Variants in OVCH1 observed in about 807,000 individuals in gnomAD.
The protein encoded by OVCH1 is ovochymase 1.
In OVCH1, 139 loss-of-function variants were observed where a neutral mutation model predicts 138.4. That is an observed-to-expected ratio of 1.00 (90% CI 0.87 to 1.16). The LOEUF is 1.16. Among genes scored for constraint, OVCH1 ranks in the 50% most tolerant of loss-of-function variants. OVCH1 has a pLI of 0.00. For missense variants in OVCH1, 1,367 were observed against 1,357.9 expected (o/e 1.01, Z -0.11); for synonymous variants, 453 against 467.8 (o/e 0.97, Z 0.41).
Position 29,417,460 on chromosome 12 carries a change from C to CAAAAAAAAAAAAAAAAAAAAAAAAA in OVCH1, c.*72-4736_*72-4735insTTTTTTTTTTTTTTTTTTTTTTTTT, listed in dbSNP as rs759067203. Among the ~76,000 whole-genome samples, 3 of 60,742 alleles carry CAAAAAAAAAAAAAAAAAAAAAAAAA rather than the reference C, an allele frequency of 4.9e-5. 1 individual carries two copies. The highest frequency in any genetic ancestry group is 2.8e-5 in the Non-Finnish European group (1 of 35,940). 39.8% of individuals were successfully genotyped at this position (60,742 alleles called of 152,430 possible). A position where few individuals can be genotyped will look rare whatever the true frequency, so the allele number is the denominator to read the frequency against. On this transcript the variant is annotated intron_variant and NMD_transcript_variant, in intron 3 of 4. Coordinates refer to the OVCH1 transcript ENST00000539117. ...CCTGGGTGACAGAAACACTCCGTCT[C>CAAAAAAAAAAAAAAAAAAAAAAAAA]AAAAAAAAAAAAAAAAAAAAAAAAG...
At chr12:29,421,707 C>T (rs950796209) in intron 3 of OVCH1, among the ~76,000 whole-genome samples, 1 of 151,892 alleles carries the variant, frequency 6.6e-6, no homozygotes, top group Non-Finnish European at 1.5e-5. Flanking sequence ...GTGTTTATTC[C>T]ATTCTCAAAT....
At chr12:29,442,805 C>T (rs1941522256) in intron 25 of OVCH1, among the ~76,000 whole-genome samples, 1 of 151,500 alleles carries the variant, frequency 6.6e-6, no homozygotes, top group Non-Finnish European at 1.5e-5. Flanking sequence ...TGTTAAAATG[C>T]AAATATTTAG....
chr12:29,435,727 A>AC (rs1386696369), intron 26 of OVCH1, among the ~76,000 whole-genome samples: 1 of 152,024 alleles, frequency 6.6e-6, no homozygotes, highest in Non-Finnish European at 1.5e-5. Context: ...TTTCTAAAGC[A>AC]CCCCTCAGAA....
intron 3 of OVCH1, among the ~76,000 whole-genome samples, chr12:29,415,701 A>T (rs946552995): frequency 6.6e-6 from 1 of 152,180 alleles, no homozygotes; most frequent in African/African-American, 2.4e-5. Context: ...GGATTGGAAG[A>T]CTCATATAGT....
the OVCH1 span, among the ~76,000 whole-genome samples, chr12:29,406,553 G>A: frequency 1.3e-5 from 2 of 151,852 alleles, no homozygotes; most frequent in African/African-American, 2.4e-5. Flanking sequence ...AGAATATACG[G>A]TGTTTGGTTT....
chr12:29,461,966 A>G, exon 19 of OVCH1: 1 of 1,613,818 alleles, frequency 6.2e-7, no homozygotes, highest in South Asian at 1.1e-5. Flanking sequence ...TCTTTCTAAC[A>G]CATGCACTTG....
At chr12:29,467,838 T>C (rs976340985) in intron 16 of OVCH1, among the ~76,000 whole-genome samples, 1 of 152,118 alleles carries the variant, frequency 6.6e-6, no homozygotes, top group Admixed American at 6.6e-5. Flanking sequence ...TCCAGGTGAT[T>C]CTGGAGTATG....
At chr12:29,424,246 G>A (rs1486559518), downstream of OVCH1, among the ~76,000 whole-genome samples, 1 of 152,232 alleles carries the variant, frequency 6.6e-6, no homozygotes, top group African/African-American at 2.4e-5. Flanking sequence ...CAGCAGGAGT[G>A]TGTCCTTAAG....
At chr12:29,446,943 T>A (rs903004486) in intron 22 of OVCH1, among the ~76,000 whole-genome samples, 1 of 150,600 alleles carries the variant, frequency 6.6e-6, no homozygotes, top group Admixed American at 6.6e-5. Context: ...AATTAAAAAA[T>A]TTTTACATTA....
intron 19 of OVCH1, among the ~76,000 whole-genome samples, chr12:29,460,943 T>C (rs1259411481): frequency 1.3e-5 from 2 of 152,236 alleles, no homozygotes; most frequent in Non-Finnish European, 2.9e-5. Context: ...AATAAACTTA[T>C]ATTCAGTGTT....
At chr12:29,436,636 G>A (rs1394049193) in intron 26 of OVCH1, among the ~76,000 whole-genome samples, 2 of 152,172 alleles carry the variant, frequency 1.3e-5, no homozygotes, top group African/African-American at 4.8e-5. Flanking sequence ...TCCTTCAGAT[G>A]TGTCCAGAGT....
chr12:29,424,060 TC>T (rs1941144465), downstream of OVCH1, among the ~76,000 whole-genome samples: 1 of 152,078 alleles, frequency 6.6e-6, no homozygotes, highest in Non-Finnish European at 1.5e-5. Flanking sequence ...GCGTGGGAAA[TC>T]AGGGGTCTCA....
intron 22 of OVCH1, among the ~76,000 whole-genome samples, chr12:29,447,888 G>A (rs971568666): frequency 2.6e-5 from 4 of 151,862 alleles, no homozygotes; most frequent in African/African-American, 9.7e-5. Context: ...CTATGTGTTG[G>A]GCACTGTTCT....
chr12:29,451,987 T>A (rs1289882199), intron 21 of OVCH1, among the ~76,000 whole-genome samples: 1 of 152,138 alleles, frequency 6.6e-6, no homozygotes, highest in Non-Finnish European at 1.5e-5. Context: ...ATGAAAAAGA[T>A]AACTTGCTGG....
chr12:29,430,797 A>T, intron 27 of OVCH1: 1 of 443,430 alleles, frequency 2.3e-6, no homozygotes, highest in South Asian at 1.7e-5. Context: ...TCTGCACACC[A>T]GATTAACACC....
At chr12:29,442,296 A>T (rs920209888) in intron 25 of OVCH1, among the ~76,000 whole-genome samples, 3 of 151,570 alleles carry the variant, frequency 2.0e-5, no homozygotes, top group African/African-American at 7.3e-5. Flanking sequence ...GCAGCCATAA[A>T]AAATGATGAG....
chr12:29,442,716 T>C (rs922203765), intron 25 of OVCH1, among the ~76,000 whole-genome samples: 5 of 151,978 alleles, frequency 3.3e-5, no homozygotes, highest in Non-Finnish European at 5.9e-5. Context: ...TTTTCCTCTC[T>C]TTATGTTTTT....
chr12:29,465,474 A>G (rs1472994428), intron 16 of OVCH1, among the ~76,000 whole-genome samples: 1 of 152,132 alleles, frequency 6.6e-6, no homozygotes, highest in Non-Finnish European at 1.5e-5. Flanking sequence ...GAGAGAGCAA[A>G]GGAAGCCACA....
chr12:29,420,849 G>T (rs1941093438), intron 3 of OVCH1, among the ~76,000 whole-genome samples: 1 of 152,248 alleles, frequency 6.6e-6, no homozygotes, highest in African/African-American at 2.4e-5. Flanking sequence ...ACTATTAGTG[G>T]TATGTGTATT....
Sources: gnomAD v4.1 joint callset for allele counts (sites outside exome capture counted in the v4.1 genomes callset) on GRCh38, gnomAD v4.1.1 for gene constraint, MANE v1.5 for transcripts, NCBI Gene and HGNC (gene_info 2026-07-23, HGNC 2026-07-21) for gene names.